PARP11: variants seen among roughly 807,000 people sequenced by gnomAD.
The protein encoded by PARP11 is protein mono-ADP-ribosyltransferase PARP11.
In PARP11, 31 loss-of-function variants were observed where a neutral mutation model predicts 42.9. The observed-to-expected ratio is 0.72, with a 90% CI of 0.54 to 0.98. The LOEUF (loss-of-function observed/expected upper bound fraction) is 0.98, where lower values mean the gene tolerates loss of function less well. Ranked by LOEUF, PARP11 falls within the 50% of genes least tolerant of loss-of-function variation. PARP11 has a pLI of 0.00. For synonymous variants in PARP11, 137 were observed against 127.3 expected, an observed-to-expected ratio of 1.08 and a Z score of -0.51; for missense variants, 365 against 413.1, an observed-to-expected ratio of 0.88 and a Z score of 1.01.
intron 4 of PARP11, among the ~76,000 whole-genome samples, chr12:3,823,632 C>T (rs1947452196): frequency 6.6e-6 from 1 of 152,140 alleles, no homozygotes; most frequent in Non-Finnish European, 1.5e-5. Context: ...ATTAAGAAAG[C>T]TGGCTGGGCG....
intron 4 of PARP11, chr12:3,824,689 A>G (rs1947478591): frequency 1.1e-6 from 1 of 919,794 alleles, no homozygotes; most frequent in African/African-American, 1.8e-5. Context: ...GTGACAGAAC[A>G]AAGTGTTTGA....
intron 1 of PARP11, among the ~76,000 whole-genome samples, chr12:3,869,203 AT>A (rs1482702394): frequency 9.2e-5 from 14 of 152,140 alleles, no homozygotes; most frequent in Non-Finnish European, 1.5e-4. Flanking sequence ...AGGTCAGCTG[AT>A]TAGCTAATTA....
intron 6 of PARP11, among the ~76,000 whole-genome samples, chr12:3,820,960 CA>C (rs1057320283): frequency 6.6e-6 from 1 of 152,138 alleles, no homozygotes; most frequent in African/African-American, 2.4e-5. Context: ...CATTACCAAA[CA>C]AAAGTCAGCC....
intron 1 of PARP11, among the ~76,000 whole-genome samples, chr12:3,843,893 G>A (rs779544445): frequency 1.1e-4 from 16 of 151,576 alleles, no homozygotes; most frequent in Non-Finnish European, 2.2e-4. Flanking sequence ...AAATAACATA[G>A]TAGTAATTTC....
intron 1 of PARP11, among the ~76,000 whole-genome samples, chr12:3,849,298 G>A (rs779003482): frequency 3.4e-4 from 52 of 152,080 alleles, no homozygotes; most frequent in African/African-American, 1.1e-3. Flanking sequence ...GCAACTCCAC[G>A]ACTGAGTATA....
chr12:3,850,163 T>G (rs943577488), intron 1 of PARP11, among the ~76,000 whole-genome samples: 1 of 152,092 alleles, frequency 6.6e-6, no homozygotes, highest in Non-Finnish European at 1.5e-5. Context: ...ATGTAATAAA[T>G]TAAATATAGA....
At chr12:3,839,491 G>A in intron 1 of PARP11, 1 of 1,609,336 alleles carries the variant, frequency 6.2e-7, no homozygotes, top group East Asian at 2.2e-5. Context: ...CCATGTTGAA[G>A]TCAGAATGGC....
At chr12:3,845,532 T>C (rs1301992400) in intron 1 of PARP11, among the ~76,000 whole-genome samples, 1 of 152,192 alleles carries the variant, frequency 6.6e-6, no homozygotes, top group African/African-American at 2.4e-5. Flanking sequence ...CAATATTTAT[T>C]TTGGCCTCTT....
At chr12:3,821,412 G>C (rs1425145101) in intron 6 of PARP11, among the ~76,000 whole-genome samples, 1 of 152,170 alleles carries the variant, frequency 6.6e-6, no homozygotes, top group African/African-American at 2.4e-5. Context: ...AAGGAATTGA[G>C]ATTTTAAATC....
Position 3,829,033 on chromosome 12 carries a change from T to C in PARP11, c.148-3A>G. On this transcript the variant is annotated splice_polypyrimidine_tract_variant and splice_region_variant and intron_variant, in intron 2 of 7. Coordinates refer to ENST00000228820, the MANE Select transcript of PARP11 (RefSeq NM_020367.6). ...GAACACTGACTGTTGGTATCCGGCTTTAAGACAAACCAGAAAGTTTCATTT... is the reference window on the plus strand; with the variant it reads ...GAACACTGACTGTTGGTATCCGGCTCTAAGACAAACCAGAAAGTTTCATTT... The C allele has an allele frequency of 6.2e-7, 1 of 1,613,760 alleles. No individual in the cohort carries two copies. The highest frequency in any genetic ancestry group is 8.5e-7 in the Non-Finnish European group (1 of 1,179,768).
chr12:3,820,328 C>G (rs535907471), intron 6 of PARP11, among the ~76,000 whole-genome samples: 4 of 148,666 alleles, frequency 2.7e-5, no homozygotes, highest in South Asian at 2.1e-4. Flanking sequence ...GACAGTGAGA[C>G]AGACAAAGTT....
intron 6 of PARP11, among the ~76,000 whole-genome samples, chr12:3,816,838 G>A (rs147190995): frequency 1.8e-4 from 28 of 151,908 alleles, no homozygotes; most frequent in Non-Finnish European, 3.2e-4. Flanking sequence ...GGAGGCGGAG[G>A]TTGTAATGAG....
At position 3,811,457 on chromosome 12, in the gene PARP11, G is replaced by A. The variant is rs1024510601; in HGVS notation, c.*666C>T. Reference sequence around the variant, plus strand: ...GCAGCAATTATCAATTCAGATGTGGGAGACAGAGGAGAATGACAGGATCAA... The same window carrying A: ...GCAGCAATTATCAATTCAGATGTGGAAGACAGAGGAGAATGACAGGATCAA... On this transcript the variant is annotated 3_prime_UTR_variant, in exon 8 of 8. Coordinates refer to ENST00000228820, the MANE Select transcript of PARP11 (RefSeq NM_020367.6). The A allele has an allele frequency of 2.0e-5, 3 of 152,352 alleles. No homozygotes were observed. The highest frequency in any genetic ancestry group is 7.2e-5 in the African/African-American group (3 of 41,574). The allele number at this position is 152,352 out of a possible 1,614,324, so 9.4% of individuals were successfully genotyped here.
chr12:3,862,815 T>C (rs1948320687), intron 1 of PARP11, among the ~76,000 whole-genome samples: 1 of 152,126 alleles, frequency 6.6e-6, no homozygotes. Flanking sequence ...TACTACACTG[T>C]TTTGATTATT....
intron 1 of PARP11, among the ~76,000 whole-genome samples, chr12:3,857,143 G>A (rs533154416): frequency 4.6e-5 from 7 of 151,824 alleles, no homozygotes; most frequent in Non-Finnish European, 4.4e-5. Flanking sequence ...GGGGGGCTGG[G>A]GGAAGGATAG....
intron 1 of PARP11, among the ~76,000 whole-genome samples, chr12:3,862,207 T>A (rs1948304880): frequency 6.6e-6 from 1 of 152,184 alleles, no homozygotes; most frequent in Admixed American, 6.5e-5. Context: ...CCCAGAAGAT[T>A]GAGACCAGGA....
intron 1 of PARP11, among the ~76,000 whole-genome samples, chr12:3,837,474 TG>T (rs1947791649): frequency 6.6e-6 from 1 of 151,966 alleles, no homozygotes; most frequent in African/African-American, 2.4e-5. Context: ...TAAAAACTAA[TG>T]AGTTAAAACA....
chr12:3,836,064 T>C (rs1290051399), intron 1 of PARP11, among the ~76,000 whole-genome samples: 2 of 151,704 alleles, frequency 1.3e-5, no homozygotes, highest in African/African-American at 2.4e-5. Context: ...CTCACACACA[T>C]ATATATGTGT....
intron 1 of PARP11, chr12:3,842,247 G>C (rs1947904796): frequency 6.2e-7 from 1 of 1,604,482 alleles, no homozygotes; most frequent in African/African-American, 1.3e-5. Flanking sequence ...AGAGAGTTCA[G>C]AAAATGAAAA....
Sources: gnomAD v4.1 joint callset for allele counts (sites outside exome capture counted in the v4.1 genomes callset) on GRCh38, gnomAD v4.1.1 for gene constraint, MANE v1.5 for transcripts, NCBI Gene and HGNC (gene_info 2026-07-23, HGNC 2026-07-21) for gene names.